The following RASGRF1 variants were observed in gnomAD, a reference collection of about 807,000 sequenced individuals.
RASGRF1 encodes the protein ras-specific guanine nucleotide-releasing factor 1.
A neutral mutation model predicts 138.7 loss-of-function variants in RASGRF1; 40 were observed. The observed-to-expected ratio is 0.29, with a 90% CI of 0.22 to 0.38. The LOEUF is 0.38. Ranked by LOEUF, RASGRF1 falls within the 10% of genes least tolerant of loss-of-function variation. RASGRF1 has a pLI of 1.00. For missense variants in RASGRF1, 1,108 were observed against 1,650.4 expected, an observed-to-expected ratio of 0.67 and a Z score of 5.69; for synonymous variants, 614 against 663.2, an observed-to-expected ratio of 0.93 and a Z score of 1.14.
chr15:78,963,760 T>A (rs2055591336), intron 26 of RASGRF1, among the ~76,000 whole-genome samples: 5 of 152,356 alleles, frequency 3.3e-5, no homozygotes, highest in Middle Eastern at 3.4e-3. Context: ...TTACTATGTC[T>A]GATTAGCAGC....
intron 1 of RASGRF1, 53 bp downstream of exon 1, chr15:79,090,170 C>A (rs2058035181): frequency 3.3e-6 from 5 of 1,524,508 alleles, no homozygotes; most frequent in Non-Finnish European, 2.6e-6. Context: ...GGCCCTGAGC[C>A]CCCAGGGCCG....
At chr15:79,080,637 A>G (rs1310770573) in intron 1 of RASGRF1, among the ~76,000 whole-genome samples, 1 of 152,198 alleles carries the variant, frequency 6.6e-6, no homozygotes, top group African/African-American at 2.4e-5. Context: ...TTTTGAAAGG[A>G]CTTTATTTTA....
chr15:79,034,318 G>A, intron 6 of RASGRF1, among the ~76,000 whole-genome samples: 1 of 150,448 alleles, frequency 6.6e-6, no homozygotes, highest in East Asian at 2.0e-4. Flanking sequence ...TTTGGTGTAG[G>A]TTGAGGGTGA....
At chr15:79,088,728 G>A (rs573100414) in intron 1 of RASGRF1, among the ~76,000 whole-genome samples, 52 of 152,338 alleles carry the variant, frequency 3.4e-4, no homozygotes, top group South Asian at 2.1e-3. Flanking sequence ...GCTGGAGAGG[G>A]GCAAGTTCTG....
Position 79,046,790 on chromosome 15 carries a change from C to T in RASGRF1, c.834G>A (p.Lys278=). ...TGACGTCGTCGTGTGTGATGGGAGG[C>T]TTCTTGGAGCTGGCGGCCATCCGCA... The part of the protein sequence containing the change: ...RPLRMAASSK[K]PPITHDDVSS... Residue 278 remains lysine (K), a synonymous_variant, in exon 5 of 27, where the codon AAG becomes AAA. Transcript: ENST00000558480. This position sits in a 1 kb window ranked among gnomAD's most constrained non-coding sequence, Gnocchi z 5.3. 6.2e-7 allele frequency: 1 copy of T among 1,614,270 alleles called. No individual in the cohort carries two copies. Among genetic ancestry groups the T allele is most frequent in the East Asian group, 2.2e-5 (1 of 44,892 alleles).
intron 2 of RASGRF1, among the ~76,000 whole-genome samples, chr15:79,061,434 T>TATATA: frequency 2.6e-5 from 1 of 38,230 alleles, no homozygotes; most frequent in Admixed American, 2.9e-4. Flanking sequence ...ATATATATCA[T>TATATA]TCATTTTTAA....
intron 23 of RASGRF1, chr15:78,984,605 G>A (rs921126916): frequency 1.2e-5 from 3 of 257,530 alleles, no homozygotes; most frequent in East Asian, 8.7e-5. Context: ...ATCATCTGAC[G>A]GAAGTGTCCT....
At chr15:78,978,776 A>G in intron 24 of RASGRF1, 1 of 1,120,076 alleles carries the variant, frequency 8.9e-7, no homozygotes, top group South Asian at 2.2e-5. Flanking sequence ...CATTTGCCCC[A>G]GGTTTCCCCA....
intron 12 of RASGRF1, among the ~76,000 whole-genome samples, chr15:79,016,257 A>C (rs1057203141): frequency 9.9e-5 from 15 of 152,182 alleles, no homozygotes; most frequent in African/African-American, 3.1e-4. Context: ...GTCATTGGGA[A>C]GTGGCAGCTG....
chr15:79,034,554 T>C (rs953831487), intron 6 of RASGRF1, among the ~76,000 whole-genome samples: 5 of 152,132 alleles, frequency 3.3e-5, no homozygotes, highest in Admixed American at 3.3e-4. Context: ...GGAACAACTC[T>C]AAGAGCCAAC....
intron 10 of RASGRF1, 71 bp downstream of exon 10, chr15:79,025,243 C>T: frequency 6.8e-7 from 1 of 1,480,154 alleles, no homozygotes; most frequent in East Asian, 2.3e-5. Flanking sequence ...GGCCCATAGA[C>T]CCTCTGGCCA....
At chr15:78,979,116 G>A in intron 24 of RASGRF1, 1 of 1,289,926 alleles carries the variant, frequency 7.8e-7, no homozygotes, top group Non-Finnish European at 1.0e-6. Flanking sequence ...GCACGGAGGG[G>A]GCAGCTCCCC....
intron 26 of RASGRF1, among the ~76,000 whole-genome samples, chr15:78,964,762 A>G (rs1198867112): frequency 6.6e-6 from 1 of 152,216 alleles, no homozygotes. Context: ...ATTTTTGGAG[A>G]AAAACAGAAG....
At chr15:79,014,842 G>A (rs1305086076) in intron 13 of RASGRF1, among the ~76,000 whole-genome samples, 3 of 151,746 alleles carry the variant, frequency 2.0e-5, no homozygotes, top group South Asian at 2.1e-4. Flanking sequence ...ATTTGAACCC[G>A]GGAGGCAGAG....
intron 11 of RASGRF1, among the ~76,000 whole-genome samples, 183 bp downstream of exon 11, chr15:79,019,858 C>A (rs957837404): frequency 6.6e-6 from 1 of 152,214 alleles, no homozygotes; most frequent in African/African-American, 2.4e-5. Context: ...ACAAGGGGAG[C>A]AAAGCCCAGC....
At chr15:79,016,566 G>A (rs2056881665) in intron 12 of RASGRF1, among the ~76,000 whole-genome samples, 3 of 152,236 alleles carry the variant, frequency 2.0e-5, no homozygotes, top group African/African-American at 7.2e-5. Context: ...CACCCTCTGG[G>A]CAAGCAGCCC....
chr15:79,068,596 TTA>T (rs1333680838), intron 1 of RASGRF1, among the ~76,000 whole-genome samples: 1 of 147,146 alleles, frequency 6.8e-6, no homozygotes, highest in South Asian at 2.1e-4. Flanking sequence ...ACATATATAT[TTA>T]TATATATGTG....
At chr15:79,071,738 G>C (rs1035641919) in intron 1 of RASGRF1, among the ~76,000 whole-genome samples, 2 of 151,898 alleles carry the variant, frequency 1.3e-5, no homozygotes, top group Non-Finnish European at 1.5e-5. Flanking sequence ...CCCTTCCCAG[G>C]TCTTCCCTCC....
chr15:79,024,352 C>A (rs1025660146), intron 10 of RASGRF1, among the ~76,000 whole-genome samples: 1 of 151,950 alleles, frequency 6.6e-6, no homozygotes, highest in Non-Finnish European at 1.5e-5. Context: ...AGACACAACA[C>A]ACATAGAGGC....
Sources: allele counts gnomAD v4.1 joint callset (sites outside exome capture counted in the v4.1 genomes callset), GRCh38; gene constraint gnomAD v4.1.1; non-coding constraint Gnocchi (gnomAD v3.1); transcripts MANE v1.5; gene names NCBI Gene and HGNC (gene_info 2026-07-23, HGNC 2026-07-21).